Variants in RPGRIP1L observed in about 807,000 individuals in gnomAD.
RPGRIP1L encodes RPGRIP1 like.
In RPGRIP1L, 131 loss-of-function variants were observed where a neutral mutation model predicts 160.4. That is an observed-to-expected ratio of 0.82 (90% CI 0.71 to 0.94). The LOEUF is 0.94. Among genes scored for constraint, RPGRIP1L ranks in the 40% least tolerant of loss-of-function variants. The pLI is 0.00. For synonymous variants in RPGRIP1L, 510 were observed against 515.8 expected (o/e 0.99, Z 0.15); for missense variants, 1,522 against 1,535.8 (o/e 0.99, Z 0.15).
intron 20 of RPGRIP1L, among the ~76,000 whole-genome samples, 173 bp from the exon 21 acceptor site, chr16:53,638,027 TATAG>T (rs1425368537): frequency 3.9e-5 from 6 of 152,258 alleles, no homozygotes; most frequent in Middle Eastern, 3.4e-3. Context: ...AATGATAATA[TATAG>T]ATAAATGGAA....
At chr16:53,697,209 G>A (rs79115816) in intron 2 of RPGRIP1L, among the ~76,000 whole-genome samples, 1 of 151,590 alleles carries the variant, frequency 6.6e-6, no homozygotes, top group Non-Finnish European at 1.5e-5. Flanking sequence ...AGAAAGAAAA[G>A]AAAGAAAAAA....
chr16:53,624,613 T>C (rs189265232), intron 22 of RPGRIP1L, among the ~76,000 whole-genome samples: 21 of 152,178 alleles, frequency 1.4e-4, no homozygotes, highest in African/African-American at 4.3e-4. Context: ...GAGAAATATA[T>C]AGAACTCTTG....
intron 12 of RPGRIP1L, among the ~76,000 whole-genome samples, chr16:53,658,143 G>A (rs1967431433): frequency 6.6e-6 from 1 of 152,090 alleles, no homozygotes; most frequent in Non-Finnish European, 1.5e-5. Context: ...ATTAAAGAAA[G>A]TGCTTTAAAT....
Position 53,671,518 on chromosome 16 carries a change from A to G in RPGRIP1L, c.1095T>C (p.Leu365=), listed in dbSNP as rs201763037. 5.0e-5 allele frequency: 79 copies of G among 1,572,554 alleles called. No individual in the cohort carries two copies. The highest frequency in any genetic ancestry group is 6.6e-5 in the Non-Finnish European group (75 of 1,143,538). The change falls in exon 9 of 27, where the codon CTT becomes CTC. Residue 365 remains leucine, a synonymous_variant. Transcript: ENST00000647211. ...RELLKENYDK[L]YDSAFSAAHE... is the part of the protein sequence containing the mutation. ...ATGGAATCACGATTTACCTGTCATA[A>G]AGTTTATCATAGTTTTCCTTTAAAA... is the stretch of plus-strand genomic sequence containing the variant.
intron 6 of RPGRIP1L, among the ~76,000 whole-genome samples, chr16:53,684,166 A>G (rs2151305392): frequency 6.6e-6 from 1 of 152,336 alleles, no homozygotes; most frequent in East Asian, 1.9e-4. Context: ...TAGTTCAACC[A>G]TTGTGGAAGT....
At chr16:53,698,688 C>T (rs1403058781) in intron 2 of RPGRIP1L, among the ~76,000 whole-genome samples, 6 of 142,208 alleles carry the variant, frequency 4.2e-5, no homozygotes, top group African/African-American at 8.0e-5. Flanking sequence ...GCCCCCCGCC[C>T]GGCCAGCCGC....
chr16:53,637,716 T>C lies in RPGRIP1L; in HGVS notation c.3199A>G (p.Thr1067Ala). 6.2e-7 allele frequency: 1 copy of C among 1,610,554 alleles called. No individual in the cohort carries two copies. The highest frequency in any genetic ancestry group is 8.5e-7 in the Non-Finnish European group (1 of 1,179,730). ...TCACCTTCTGGTTCCAAGTCCTCTGTTATTTCTGTTTCATCTTCAGAAGAT... is the reference window on the plus strand; with the variant it reads ...TCACCTTCTGGTTCCAAGTCCTCTGCTATTTCTGTTTCATCTTCAGAAGAT... ...LASSEDETEI[T>A]EDLEPEVEED... Residue 1067 changes from threonine to alanine, a missense_variant, in exon 21 of 27, where the codon ACA becomes GCA. By Grantham distance (58) the Thr-to-Ala change is moderately conservative. Coordinates refer to ENST00000647211, the MANE Select transcript of RPGRIP1L (RefSeq NM_015272.5).
intron 8 of RPGRIP1L, among the ~76,000 whole-genome samples, chr16:53,672,104 T>C (rs981623809): frequency 1.3e-5 from 2 of 152,156 alleles, no homozygotes; most frequent in African/African-American, 4.8e-5. Flanking sequence ...AATAAATGAA[T>C]AAACAAACTT....
intron 2 of RPGRIP1L, 42 bp from the exon 3 acceptor site, chr16:53,696,337 A>G (rs530990177): frequency 6.2e-7 from 1 of 1,603,454 alleles, no homozygotes; most frequent in South Asian, 1.1e-5. Flanking sequence ...GTTACTTAAA[A>G]TAGTCTCTAG....
chr16:53,699,630 T>C (rs946760646), intron 2 of RPGRIP1L, among the ~76,000 whole-genome samples: 2 of 152,282 alleles, frequency 1.3e-5, no homozygotes, highest in African/African-American at 4.8e-5. Context: ...AGCTTACACA[T>C]ACTTTTTACT....
chr16:53,696,954 G>A (rs1440612288), intron 2 of RPGRIP1L, among the ~76,000 whole-genome samples: 2 of 152,180 alleles, frequency 1.3e-5, no homozygotes, highest in South Asian at 2.1e-4. Context: ...AGCACTTTGG[G>A]GGGCTGGGGC....
Position 53,619,079 on chromosome 16 carries a change from C to T in RPGRIP1L, c.3562G>A (p.Val1188Met), listed in dbSNP as rs142317242. ...CCACTCTTGGGTTTTGGAAGTGACA[C>T]GGGTGTCTCTTCAGCAGGAAGACTG... ...FYSLPAEETPVSLPKPKSGQW... is the reference protein window; with the variant it reads ...FYSLPAEETPMSLPKPKSGQW... The change falls in exon 24 of 27, where the codon GTG (valine) becomes ATG (methionine). Residue 1188 changes from valine to methionine, a missense_variant. Val to Met is a conservative substitution (Grantham distance 21). Coordinates refer to ENST00000647211, the MANE Select transcript of RPGRIP1L (RefSeq NM_015272.5). 6.4e-4 allele frequency: 1,032 copies of T among 1,614,038 alleles called. 2 individuals carry two copies. Among genetic ancestry groups the T allele is most frequent in the Non-Finnish European group, 7.3e-4 (858 of 1,179,970 alleles).
chr16:53,636,541 AC>A, intron 21 of RPGRIP1L, 29 bp from the exon 22 acceptor site: 1 of 1,516,734 alleles, frequency 6.6e-7, no homozygotes, highest in Middle Eastern at 1.7e-4. Flanking sequence ...GGTAACATTT[AC>A]ACAAGTTAAA....
At position 53,652,673 on chromosome 16, in the gene RPGRIP1L, A is replaced by G. The variant is rs1966881046; in HGVS notation, c.2014T>C (p.Tyr672His). 1 of 1,613,934 alleles carries G rather than the reference A, an allele frequency of 6.2e-7. No individual in the cohort carries two copies. Among genetic ancestry groups the G allele is most frequent in the Non-Finnish European group, 8.5e-7 (1 of 1,179,832 alleles). ...LVHVNDLFLQ[Y>H]IQKNTITLEV... ...AGGGTGATAGTATTCTTCTGAATATATTGCAAAAATAAGTCATTAACATGA... is the reference window on the plus strand; with the variant it reads ...AGGGTGATAGTATTCTTCTGAATATGTTGCAAAAATAAGTCATTAACATGA... The change falls in exon 15 of 27, where the codon TAT becomes CAT. Residue 672 changes from tyrosine to histidine, a missense_variant. Coordinates refer to ENST00000647211, the MANE Select transcript of RPGRIP1L (RefSeq NM_015272.5).
At chr16:53,669,501 C>T (rs751206818) in intron 9 of RPGRIP1L, among the ~76,000 whole-genome samples, 14 of 150,992 alleles carry the variant, frequency 9.3e-5, no homozygotes, top group Admixed American at 8.6e-4. Flanking sequence ...AGATCATCTT[C>T]TAATATGGAA....
At chr16:53,696,953 G>T (rs554672890) in intron 2 of RPGRIP1L, among the ~76,000 whole-genome samples, 15 of 152,244 alleles carry the variant, frequency 9.9e-5, no homozygotes, top group African/African-American at 2.6e-4. Context: ...CAGCACTTTG[G>T]GGGGCTGGGG....
At chr16:53,668,163 G>A (rs1968433017) in intron 9 of RPGRIP1L, among the ~76,000 whole-genome samples, 1 of 151,938 alleles carries the variant, frequency 6.6e-6, no homozygotes, top group Non-Finnish European at 1.5e-5. Flanking sequence ...AGAAGATGAT[G>A]CCCCAAATGT....
At chr16:53,605,041 C>T (rs544602310) in intron 26 of RPGRIP1L, among the ~76,000 whole-genome samples, 1 of 151,764 alleles carries the variant, frequency 6.6e-6, no homozygotes, top group African/African-American at 2.4e-5. Flanking sequence ...ATTAGCCGGG[C>T]ATGGTGATGC....
At chr16:53,617,779 A>G (rs568247577) in intron 24 of RPGRIP1L, among the ~76,000 whole-genome samples, 3 of 152,322 alleles carry the variant, frequency 2.0e-5, no homozygotes, top group South Asian at 4.1e-4. Flanking sequence ...ACGTATTTCT[A>G]AAAATGCCAG....
Sources: gnomAD v4.1 joint callset for allele counts (sites outside exome capture counted in the v4.1 genomes callset) on GRCh38, gnomAD v4.1.1 for gene constraint, MANE v1.5 for transcripts, NCBI Gene and HGNC (gene_info 2026-07-23, HGNC 2026-07-21) for gene names.